MGST1: variants seen among roughly 807,000 people sequenced by gnomAD.
MGST1 encodes glutathione S-transferase 12.
Under a neutral mutation model 8.9 loss-of-function variants are expected in MGST1, and 5 were observed. That is an observed-to-expected ratio of 0.56 (90% CI 0.29 to 1.19). The LOEUF (loss-of-function observed/expected upper bound fraction) is 1.19. Among genes scored for constraint, MGST1 ranks in the 50% most tolerant of loss-of-function variants. MGST1 has a pLI of 0.08. For missense variants in MGST1, 182 were observed against 187.4 expected, an observed-to-expected ratio of 0.97 and a Z score of 0.17; for synonymous variants, 54 against 67.8, an observed-to-expected ratio of 0.80 and a Z score of 1.00.
chr12:16,357,433 T>A (rs559510702), intron 2 of MGST1, 172 bp from the exon 3 acceptor site: 2 of 549,590 alleles, frequency 3.6e-6, no homozygotes, highest in South Asian at 4.9e-5. Context: ...CATGCAAAAT[T>A]TTTTTTAAAA....
intron 4 of MGST1, chr12:16,550,370 T>C (rs1039902643): frequency 1.6e-4 from 24 of 152,322 alleles, no homozygotes; most frequent in African/African-American, 5.8e-4. Context: ...AAATTTTACG[T>C]GATACCCAAA....
At chr12:16,409,298 G>A (rs992047572) in intron 1 of MGST1, among the ~76,000 whole-genome samples, 17 of 151,918 alleles carry the variant, frequency 1.1e-4, no homozygotes, top group Non-Finnish European at 2.4e-4. Context: ...GTGTATGTGT[G>A]TGTATATGCA....
At chr12:16,533,003 T>C (rs1030397911) in intron 4 of MGST1, among the ~76,000 whole-genome samples, 1 of 152,102 alleles carries the variant, frequency 6.6e-6, no homozygotes, top group Admixed American at 6.5e-5. Context: ...AAGGAAAACA[T>C]GTGAGCATAG....
At position 16,399,929 on chromosome 12, in the gene MGST1, C is replaced by T. The variant is rs551228022; in HGVS notation, n.778+16325C>T. On this transcript the variant is annotated intron_variant and non_coding_transcript_variant, in intron 1 of 1. Coordinates refer to the MGST1 transcript ENST00000359720. ...AGCTCTACTTCATCCAATGTCACCA[C>T]AAAAGGTGGCCATTCCATAGCATTT... The T allele has an allele frequency of 5.4e-6, 7 of 1,295,602 alleles. No homozygotes were observed. The South Asian group carries it at 8.3e-5, about 15-fold the overall frequency. The allele number at this position is 1,295,602 out of a possible 1,614,324, so 80.3% of individuals were successfully genotyped here.
intron 4 of MGST1, among the ~76,000 whole-genome samples, chr12:16,566,910 T>C (rs1385932275): frequency 1.3e-5 from 2 of 152,100 alleles, no homozygotes; most frequent in Non-Finnish European, 2.9e-5. Context: ...ACAATTTCAG[T>C]AAAAAACTAC....
intron 4 of MGST1, among the ~76,000 whole-genome samples, chr12:16,510,835 A>G (rs1941572376): frequency 6.6e-6 from 1 of 152,204 alleles, no homozygotes; most frequent in African/African-American, 2.4e-5. Context: ...GCTATAGAAT[A>G]ATTTAGAAGG....
intron 4 of MGST1, among the ~76,000 whole-genome samples, chr12:16,489,213 C>T (rs1038996687): frequency 2.0e-5 from 3 of 151,946 alleles, no homozygotes; most frequent in Non-Finnish European, 4.4e-5. Flanking sequence ...CAATTTTGGG[C>T]CATTATAAAT....
At chr12:16,561,070 A>C (rs7953162) in intron 4 of MGST1, among the ~76,000 whole-genome samples, 9,978 of 152,218 alleles carry the variant, frequency 0.066, 763 homozygotes, top group African/African-American at 0.18. Flanking sequence ...CCATAGTTAT[A>C]GCTATGATTA....
chr12:16,397,163 A>G (rs1940612548), intron 1 of MGST1, among the ~76,000 whole-genome samples: 1 of 152,164 alleles, frequency 6.6e-6, no homozygotes, highest in South Asian at 2.1e-4. Flanking sequence ...AAGAAACAAA[A>G]ACATAAAGTG....
intron 1 of MGST1, among the ~76,000 whole-genome samples, chr12:16,353,757 CTTTTTTT>C (rs11387725): frequency 1.8e-5 from 2 of 111,492 alleles, no homozygotes; most frequent in Non-Finnish European, 3.5e-5. Context: ...ATATTGCATA[CTTTTTTT>C]TTTTTTTTTT....
chr12:16,545,844 T>G (rs1201008439), intron 4 of MGST1, among the ~76,000 whole-genome samples: 1 of 152,100 alleles, frequency 6.6e-6, no homozygotes, highest in Non-Finnish European at 1.5e-5. Flanking sequence ...GTTTGGAATT[T>G]TTGCTCAAGC....
Position 16,364,298 on chromosome 12 carries a change from T to G in MGST1, c.*257T>G. On this transcript the variant is annotated 3_prime_UTR_variant, in exon 4 of 4. Coordinates refer to ENST00000396210, the MANE Select transcript of MGST1 (RefSeq NM_020300.5). This position sits in a 1 kb window ranked among gnomAD's most constrained non-coding sequence, Gnocchi z 5.7. ...TTATAAATTTGGATCATGTTATGAT[T>G]TGTAACATTCACACAACACCTCACT... The G allele has an allele frequency of 8.8e-7, 1 of 1,140,364 alleles. No homozygotes were observed. Among genetic ancestry groups the G allele is most frequent in the Non-Finnish European group, 1.1e-6 (1 of 927,378 alleles). 70.6% of individuals were successfully genotyped at this position (1,140,364 alleles called of 1,614,324 possible). A position where few individuals can be genotyped will look rare whatever the true frequency, so the allele number is the denominator to read the frequency against.
In MGST1 at chr12:16,497,508, G is replaced by T. The variant is rs976275466; in HGVS notation, n.483-92020G>T. ...GAGAAAGCAGAGTTTGGTGAGAAAAGAATCTCTTCAGTTATGTGTAAACAG... is the reference window on the plus strand; with the variant it reads ...GAGAAAGCAGAGTTTGGTGAGAAAATAATCTCTTCAGTTATGTGTAAACAG... On this transcript the variant is annotated intron_variant and non_coding_transcript_variant, in intron 4 of 4. Coordinates refer to the MGST1 transcript ENST00000538857. This position sits in a 1 kb window ranked among gnomAD's most constrained non-coding sequence, Gnocchi z 4.4. 1.3e-5 allele frequency among the ~76,000 whole-genome samples: 2 copies of T among 152,086 alleles called. No individual in the cohort carries two copies. The highest frequency in any genetic ancestry group is 4.8e-5 in the African/African-American group (2 of 41,426).
rs1186044512 is a variant in MGST1 at position 16,513,995 on chromosome 12, GTCT to G, written n.483-75523_483-75521del. ...GACATTTCAAAAACACCAGAGCAAA[GTCT>G]TCTTCTTCTGCATGCTTGCTCCCAT... On this transcript the variant is annotated intron_variant and non_coding_transcript_variant, in intron 4 of 4. Transcript: ENST00000538857. The surrounding 1 kb of genome is among the most constrained non-coding windows in gnomAD (Gnocchi z 4.2). 24 of 443,638 alleles carry G rather than the reference GTCT, an allele frequency of 5.4e-5. No individual in the cohort carries two copies. The highest frequency in any genetic ancestry group is 3.0e-4 in the East Asian group (6 of 20,092). The allele number at this position is 443,638 out of a possible 1,614,324, so 27.5% of individuals were successfully genotyped here. A position where few individuals can be genotyped will look rare whatever the true frequency, so the allele number is the denominator to read the frequency against.
chr12:16,549,869 A>G (rs1941921803), intron 4 of MGST1: 1 of 152,106 alleles, frequency 6.6e-6, no homozygotes, highest in Non-Finnish European at 1.5e-5. Flanking sequence ...TTTGTATGCT[A>G]TCACGTAAGG....
downstream of MGST1, among the ~76,000 whole-genome samples, chr12:16,365,715 G>GT (rs549394839): frequency 4.2e-4 from 63 of 150,996 alleles, 2 homozygotes; most frequent in East Asian, 6.4e-3. Context: ...AGTTGGCTCT[G>GT]TGTGCATGAA....
Position 16,402,260 on chromosome 12 carries a change from T to C in MGST1, n.778+18656T>C, listed in dbSNP as rs140785874. ...CAGTTAGTTCATAACCAAAGAGCCA[T>C]GTCTGTAAGGCAGTTGATTTGGAAT... On this transcript the variant is annotated intron_variant and non_coding_transcript_variant, in intron 1 of 1. Coordinates refer to the MGST1 transcript ENST00000359720. The C allele has an allele frequency of 8.2e-3, 12,970 of 1,588,832 alleles. 85 individuals are homozygous for C. The highest frequency in any genetic ancestry group is 0.022 in the Middle Eastern group (128 of 5,770).
At position 16,363,722 on chromosome 12, in the gene MGST1, A is replaced by T; in HGVS notation, c.222-73A>T. On this transcript the variant is annotated intron_variant, in intron 3 of 3. Coordinates refer to ENST00000396210, the MANE Select transcript of MGST1 (RefSeq NM_020300.5). The surrounding 1 kb of genome is among the most constrained non-coding windows in gnomAD (Gnocchi z 4.6). ...CCATTAGTGCTCAGATTTAGTTTTT[A>T]GAAGAGAGAGAAAAAAGGATACATA... 1 of 1,306,382 alleles carries T rather than the reference A, an allele frequency of 7.7e-7. No homozygotes were observed. The highest frequency in any genetic ancestry group is 1.0e-6 in the Non-Finnish European group (1 of 976,442). 80.9% of individuals were successfully genotyped at this position (1,306,382 alleles called of 1,614,324 possible).
chr12:16,370,363 A>G (rs968314653), intron 3 of MGST1: 5 of 152,134 alleles, frequency 3.3e-5, no homozygotes, highest in Non-Finnish European at 7.4e-5. Context: ...GTTCTCTTGA[A>G]ATTATAATAT....
Sources: allele counts gnomAD v4.1 joint callset (sites outside exome capture counted in the v4.1 genomes callset), GRCh38; gene constraint gnomAD v4.1.1; non-coding constraint Gnocchi (gnomAD v3.1); transcripts MANE v1.5; gene names NCBI Gene and HGNC (gene_info 2026-07-23, HGNC 2026-07-21).